Variants in LRRC69 observed in about 807,000 individuals in gnomAD.
LRRC69 encodes leucine-rich repeat-containing protein 69.
Under a neutral mutation model 37.8 loss-of-function variants are expected in LRRC69, and 42 were observed. That is an observed-to-expected ratio of 1.11 (90% CI 0.87 to 1.44). The LOEUF is 1.44. Ranked by LOEUF, LRRC69 falls within the 40% of genes most tolerant of loss-of-function variation. LRRC69 has a pLI of 0.00. For synonymous variants in LRRC69, 141 were observed against 143.1 expected, an observed-to-expected ratio of 0.99 and a Z score of 0.11; for missense variants, 357 against 401.9, an observed-to-expected ratio of 0.89 and a Z score of 0.96.
At chr8:91,201,047 A>G (rs1809704169) in intron 7 of LRRC69, among the ~76,000 whole-genome samples, 1 of 152,242 alleles carries the variant, frequency 6.6e-6, no homozygotes, top group South Asian at 2.1e-4. Flanking sequence ...AAAGTTTTTA[A>G]TCAGTAAATC....
At chr8:91,123,299 G>C (rs1395511566) in intron 1 of LRRC69, among the ~76,000 whole-genome samples, 1 of 151,918 alleles carries the variant, frequency 6.6e-6, no homozygotes, top group Non-Finnish European at 1.5e-5. Context: ...TACAGACTCT[G>C]GATAAAATAG....
intron 5 of LRRC69, among the ~76,000 whole-genome samples, chr8:91,140,267 A>C (rs1586241079): frequency 6.6e-6 from 1 of 151,944 alleles, no homozygotes; most frequent in Non-Finnish European, 1.5e-5. Context: ...CAATTTTTTG[A>C]TACCTAATTC....
At chr8:91,208,206 G>A (rs1193291548) in intron 7 of LRRC69, among the ~76,000 whole-genome samples, 1 of 152,164 alleles carries the variant, frequency 6.6e-6, no homozygotes, top group Non-Finnish European at 1.5e-5. Context: ...ACACAGTTTA[G>A]CCCGTAACAG....
At chr8:91,155,024 G>C (rs1047862809) in intron 5 of LRRC69, among the ~76,000 whole-genome samples, 1 of 151,628 alleles carries the variant, frequency 6.6e-6, no homozygotes, top group African/African-American at 2.4e-5. Flanking sequence ...CTTCAGCAAA[G>C]TCTCAGGATA....
chr8:91,158,575 A>C (rs1423932175), intron 5 of LRRC69: 2 of 1,297,088 alleles, frequency 1.5e-6, no homozygotes, highest in Non-Finnish European at 2.2e-6. Context: ...TAATACAAGC[A>C]CAGGGGTGTT....
chr8:91,163,092 CTT>C (rs1808972907), intron 5 of LRRC69, among the ~76,000 whole-genome samples: 1 of 151,150 alleles, frequency 6.6e-6, no homozygotes, highest in African/African-American at 2.4e-5. Flanking sequence ...CCATGGTTGT[CTT>C]TTTTGTATTA....
rs570053635 is a variant in LRRC69 at position 91,159,041 on chromosome 8, A to G, written c.651+23302A>G. 4.2e-4 allele frequency among the ~76,000 whole-genome samples: 63 copies of G among 151,232 alleles called. 2 individuals carry two copies. The South Asian group carries it at 6.2e-3, about 15-fold the overall frequency. ...ATTAGGGTTTTATAAAACTGCATTT[A>G]AAAAAAGATCTATGACCAGATATTC... On this transcript the variant is annotated intron_variant, in intron 5 of 7. Coordinates refer to ENST00000448384, the Ensembl canonical transcript of LRRC69.
chr8:91,158,777 G>A, intron 5 of LRRC69: 1 of 781,368 alleles, frequency 1.3e-6, no homozygotes, highest in Non-Finnish European at 2.3e-6. Context: ...GTGATAAGTG[G>A]AAAAAAGAGA....
At chr8:91,216,331 G>A (rs1333876570) in intron 7 of LRRC69, among the ~76,000 whole-genome samples, 1 of 152,050 alleles carries the variant, frequency 6.6e-6, no homozygotes, top group Admixed American at 6.6e-5. Context: ...ATGACACAAG[G>A]GAAATGGCTA....
At position 91,158,451 on chromosome 8, in the gene LRRC69, C is replaced by T. The variant is rs185232216; in HGVS notation, c.651+22712C>T. 6,863 of 1,284,946 alleles carry T rather than the reference C, an allele frequency of 5.3e-3. 41 individuals carry two copies. The highest frequency in any genetic ancestry group is 7.1e-3 in the Non-Finnish European group (6,257 of 882,144). The allele number at this position is 1,284,946 out of a possible 1,614,324, so 79.6% of individuals were successfully genotyped here. A position where few individuals can be genotyped will look rare whatever the true frequency, so the allele number is the denominator to read the frequency against. ...TTCATAGAAAGCAATAAAATGCATGCTGTTAATGGAAGAATGTTTGGAAAC... is the reference window on the plus strand; with the variant it reads ...TTCATAGAAAGCAATAAAATGCATGTTGTTAATGGAAGAATGTTTGGAAAC... On this transcript the variant is annotated intron_variant, in intron 5 of 7. Transcript: ENST00000448384.
chr8:91,161,115 T>C (rs1398417770), intron 5 of LRRC69, among the ~76,000 whole-genome samples: 1 of 151,502 alleles, frequency 6.6e-6, no homozygotes, highest in Non-Finnish European at 1.5e-5. Context: ...TTAGCATATA[T>C]TGAACCATCC....
chr8:91,149,023 T>G (rs1586246861), intron 5 of LRRC69, among the ~76,000 whole-genome samples: 1 of 151,022 alleles, frequency 6.6e-6, no homozygotes, highest in African/African-American at 2.4e-5. Flanking sequence ...TTTTCTCCCA[T>G]TTTGTAGGTT....
chr8:91,178,732 C>A (rs1340272880), intron 5 of LRRC69, among the ~76,000 whole-genome samples: 4 of 152,206 alleles, frequency 2.6e-5, no homozygotes, highest in African/African-American at 9.6e-5. Flanking sequence ...TTTGGCAGCT[C>A]AGTCCTTTCA....
intron 5 of LRRC69, among the ~76,000 whole-genome samples, chr8:91,146,723 C>T (rs1413869873): frequency 3.3e-5 from 5 of 151,772 alleles, no homozygotes; most frequent in Admixed American, 2.6e-4. Flanking sequence ...AACATGATTG[C>T]TTTGCTCCTC....
chr8:91,118,190 G>A (rs1304912697), intron 1 of LRRC69: 1 of 455,402 alleles, frequency 2.2e-6, no homozygotes, highest in Admixed American at 2.4e-5. Context: ...CATTCTGTAT[G>A]TTGGTCTAGG....
intron 6 of LRRC69, among the ~76,000 whole-genome samples, chr8:91,192,560 T>G (rs1414625561): frequency 1.3e-5 from 2 of 151,660 alleles, no homozygotes; most frequent in African/African-American, 2.4e-5. Context: ...AGATGGTATC[T>G]CATTGTGGTT....
chr8:91,119,143 A>G (rs1414488132), intron 1 of LRRC69, among the ~76,000 whole-genome samples: 2 of 152,082 alleles, frequency 1.3e-5, no homozygotes, highest in Non-Finnish European at 2.9e-5. Flanking sequence ...TAGTACCATC[A>G]TAGACATATC....
chr8:91,183,626 G>A (rs1384343301), intron 5 of LRRC69, among the ~76,000 whole-genome samples: 1 of 150,202 alleles, frequency 6.7e-6, no homozygotes, highest in Non-Finnish European at 1.5e-5. Flanking sequence ...AAAAAAAAAA[G>A]AAGAAGATAA....
intron 1 of LRRC69, among the ~76,000 whole-genome samples, chr8:91,105,373 C>T (rs1054880682): frequency 1.3e-5 from 2 of 151,716 alleles, no homozygotes; most frequent in African/African-American, 4.8e-5. Context: ...CAGCTCCATC[C>T]GTCTCACAGT....
Sources: gnomAD v4.1 joint callset for allele counts (sites outside exome capture counted in the v4.1 genomes callset) on GRCh38, gnomAD v4.1.1 for gene constraint, MANE v1.5 for transcripts, NCBI Gene and HGNC (gene_info 2026-07-23, HGNC 2026-07-21) for gene names.